The following PCDHGB2 variants were observed in gnomAD, a reference collection of about 807,000 sequenced individuals.
The protein encoded by PCDHGB2 is protocadherin gamma-B2.
PCDHGB2 carries 55 observed loss-of-function variants against 59.3 expected under a neutral mutation model. The ratio of observed to expected loss-of-function variants is 0.93; its 90% confidence interval spans 0.75 to 1.16. PCDHGB2 has a LOEUF of 1.16. Among genes scored for constraint, PCDHGB2 ranks in the 50% most tolerant of loss-of-function variants. The pLI is 0.00. For synonymous variants in PCDHGB2, 516 were observed against 512.0 expected (o/e 1.01, Z -0.11); for missense variants, 1,228 against 1,198.5 (o/e 1.02, Z -0.36).
At chr5:141,460,977 G>A in intron 1 of PCDHGB2, among the ~76,000 whole-genome samples, 1 of 131,518 alleles carries the variant, frequency 7.6e-6, no homozygotes, top group African/African-American at 3.4e-5. Context: ...GTGTGTGTGT[G>A]TGTGTGTATA....
rs547284271 is a variant in PCDHGB2 at position 141,489,064 on chromosome 5, C to G, written c.2422-5743C>G. On this transcript the variant is annotated intron_variant, in intron 1 of 3. Coordinates refer to ENST00000522605, the MANE Select transcript of PCDHGB2 (RefSeq NM_018923.3). This position sits in a 1 kb window ranked among gnomAD's most constrained non-coding sequence, Gnocchi z 4.5. ...TCCACTCAAATTCAGCTCCCCTCCC[C>G]CCTGCCCACCCCCGCCACTCGGTGA... 1.9e-4 allele frequency: 74 copies of G among 387,742 alleles called. No homozygotes were observed. The highest frequency in any genetic ancestry group is 1.5e-3 in the African/African-American group (70 of 47,296). The allele number at this position is 387,742 out of a possible 1,614,324, so 24.0% of individuals were successfully genotyped here. A position where few individuals can be genotyped will look rare whatever the true frequency, so the allele number is the denominator to read the frequency against.
In PCDHGB2 at chr5:141,476,737, G is replaced by A. The variant is rs1420138912; in HGVS notation, c.2422-18070G>A. ...AGCGCGCCCTGGACCGAGAACGGGA[G>A]CCTAGTCTCCAGTTAGTGCTGACGG... is the stretch of plus-strand genomic sequence containing the variant. On this transcript the variant is annotated intron_variant, in intron 1 of 3. Coordinates refer to ENST00000522605, the MANE Select transcript of PCDHGB2 (RefSeq NM_018923.3). This position sits in a 1 kb window ranked among gnomAD's most constrained non-coding sequence, Gnocchi z 7.6. The A allele has an allele frequency of 3.1e-6, 5 of 1,613,982 alleles. No individual in the cohort carries two copies. Among genetic ancestry groups the A allele is most frequent in the Non-Finnish European group, 4.2e-6 (5 of 1,180,038 alleles).
intron 1 of PCDHGB2, chr5:141,415,086 G>A (rs769093571): frequency 3.1e-6 from 5 of 1,613,554 alleles, no homozygotes; most frequent in South Asian, 1.1e-5. Flanking sequence ...GAGCCCTGCT[G>A]GACAGAGACG....
chr5:141,373,902 T>G (rs973881316), intron 1 of PCDHGB2: 8 of 577,832 alleles, frequency 1.4e-5, no homozygotes, highest in Admixed American at 3.7e-5. Context: ...AGTTACATCC[T>G]CCAACAACAA....
At chr5:141,409,519 C>T in intron 1 of PCDHGB2, 1 of 1,614,040 alleles carries the variant, frequency 6.2e-7, no homozygotes, top group Non-Finnish European at 8.5e-7. Context: ...GAAGCATCAC[C>T]TTGTATGTCG....
chr5:141,424,294 C>G (rs1260250688), intron 1 of PCDHGB2: 1 of 152,470 alleles, frequency 6.6e-6, no homozygotes, highest in Non-Finnish European at 1.5e-5. Context: ...ATTTCTTCAT[C>G]CTATCAACAC....
At position 141,491,583 on chromosome 5, in the gene PCDHGB2, C is replaced by T; in HGVS notation, c.2422-3224C>T. On this transcript the variant is annotated intron_variant, in intron 1 of 3. Transcript: ENST00000522605. The surrounding 1 kb of genome is among the most constrained non-coding windows in gnomAD (Gnocchi z 6.9). ...GCTACAGGACGTGCTTTTCACCGGC[C>T]TCGGACGGCAGTGACTTCACTTTTC... 1 of 1,613,964 alleles carries T rather than the reference C, an allele frequency of 6.2e-7. No individual in the cohort carries two copies. Among genetic ancestry groups the T allele is most frequent in the African/African-American group, 1.3e-5 (1 of 75,032 alleles).
intron 1 of PCDHGB2, chr5:141,388,295 C>A (rs766909730): frequency 8.1e-6 from 13 of 1,613,442 alleles, no homozygotes; most frequent in Non-Finnish European, 1.1e-5. Flanking sequence ...CGCAAAATTC[C>A]TTTGAGCTGC....
intron 1 of PCDHGB2, chr5:141,366,379 C>A (rs866007408): frequency 1.9e-6 from 3 of 1,614,134 alleles, no homozygotes; most frequent in African/African-American, 2.7e-5. Flanking sequence ...CCCCCATTGA[C>A]CCTGAGGATC....
rs995968509 is a variant in PCDHGB2, at chr5:141,477,065, C to T, written c.2422-17742C>T. ...TCGGCTGGACTTCGAGGACACCAAA[C>T]TCCATGAGATTTACATCCAGGCCAA... On this transcript the variant is annotated intron_variant, in intron 1 of 3. Coordinates refer to ENST00000522605, the MANE Select transcript of PCDHGB2 (RefSeq NM_018923.3). The surrounding 1 kb of genome is among the most constrained non-coding windows in gnomAD (Gnocchi z 4.9). 15 of 1,614,144 alleles carry T rather than the reference C, an allele frequency of 9.3e-6. No homozygotes were observed. The highest frequency in any genetic ancestry group is 3.3e-5 in the Admixed American group (2 of 60,018).
chr5:141,477,298 T>C lies in PCDHGB2; in HGVS notation c.2422-17509T>C. ...TGGTGACCTGCGAAGTTCCACCGGG[T>C]CTCCCTTTCAGCCTTACTTCTTCCC... On this transcript the variant is annotated intron_variant, in intron 1 of 3. Coordinates refer to ENST00000522605, the MANE Select transcript of PCDHGB2 (RefSeq NM_018923.3). This position sits in a 1 kb window ranked among gnomAD's most constrained non-coding sequence, Gnocchi z 4.9. 1 of 1,613,344 alleles carries C rather than the reference T, an allele frequency of 6.2e-7. No individual in the cohort carries two copies. Among genetic ancestry groups the C allele is most frequent in the Non-Finnish European group, 8.5e-7 (1 of 1,179,870 alleles).
rs774456704 is a variant in PCDHGB2, at chr5:141,390,013, C to T, written c.2421+27457C>T. On this transcript the variant is annotated intron_variant, in intron 1 of 3. Coordinates refer to ENST00000522605, the MANE Select transcript of PCDHGB2 (RefSeq NM_018923.3). ...CTCGTGGCCATGATTCTGGCCATTG[C>T]CTTGCGCCTGCGACGCTCCTCCAGC... 1.3e-4 allele frequency: 202 copies of T among 1,613,936 alleles called. No homozygotes were observed. The highest frequency in any genetic ancestry group is 1.6e-4 in the Non-Finnish European group (192 of 1,179,918).
At position 141,487,688 on chromosome 5, in the gene PCDHGB2, G is replaced by A. The variant is rs376927186; in HGVS notation, c.2422-7119G>A. On this transcript the variant is annotated intron_variant, in intron 1 of 3. Coordinates refer to ENST00000522605, the MANE Select transcript of PCDHGB2 (RefSeq NM_018923.3). The surrounding 1 kb of genome is among the most constrained non-coding windows in gnomAD (Gnocchi z 5.0). ...AGGCATATGGCTAGGCCATGTCCTA[G>A]AGAGTACTGGCCTCTCAGTAAGTGC... 6.2e-7 allele frequency: 1 copy of A among 1,604,966 alleles called. No homozygotes were observed.
chr5:141,361,748 G>T lies in PCDHGB2; in HGVS notation c.1613G>T (p.Gly538Val). Residue 538 changes from glycine to valine, a missense_variant, in exon 1 of 4, where the codon GGC becomes GTC. Coordinates refer to ENST00000522605, the MANE Select transcript of PCDHGB2 (RefSeq NM_018923.3). ...CTCACACTGCAGGCCCGCGACCAGG[G>T]CTCGCCCGCGCTCAGCGCCAACGTG... ...FELTLQARDQ[G>V]SPALSANVSL... The T allele has an allele frequency of 6.2e-7, 1 of 1,613,040 alleles. No individual in the cohort carries two copies. The highest frequency in any genetic ancestry group is 8.5e-7 in the Non-Finnish European group (1 of 1,179,708).
intron 1 of PCDHGB2, among the ~76,000 whole-genome samples, chr5:141,401,748 C>G (rs2094189969): frequency 6.6e-6 from 1 of 152,134 alleles, no homozygotes; most frequent in Non-Finnish European, 1.5e-5. Context: ...ATACAAAGCT[C>G]CCATTACATG....
At chr5:141,404,129 A>C in intron 1 of PCDHGB2, 2 of 1,613,162 alleles carry the variant, frequency 1.2e-6, no homozygotes, top group Non-Finnish European at 1.7e-6. Context: ...TCTATCTTTT[A>C]CATTAGAAAA....
chr5:141,476,055 GT>G lies in PCDHGB2; in HGVS notation c.2422-18749del. 6.7e-7 allele frequency: 1 copy of G among 1,503,516 alleles called. No homozygotes were observed. Among genetic ancestry groups the G allele is most frequent in the South Asian group, 1.3e-5 (1 of 75,386 alleles). The allele number at this position is 1,503,516 out of a possible 1,614,324, so 93.1% of individuals were successfully genotyped here. ...GCGCCCAAGCGCTAACCCGCTGAAA[GT>G]TTCTCAGCGAAATCTCAGGGACGAT... On this transcript the variant is annotated intron_variant, in intron 1 of 3. Transcript: ENST00000522605. The surrounding 1 kb of genome is among the most constrained non-coding windows in gnomAD (Gnocchi z 7.6).
intron 1 of PCDHGB2, chr5:141,399,734 C>T: frequency 6.2e-7 from 1 of 1,613,338 alleles, no homozygotes; most frequent in Non-Finnish European, 8.5e-7. Context: ...CAGGGCTCGC[C>T]TGCGCTCAGC....
intron 1 of PCDHGB2, chr5:141,374,380 C>T (rs1263045322): frequency 1.2e-6 from 2 of 1,613,894 alleles, no homozygotes; most frequent in Non-Finnish European, 1.7e-6. Context: ...GTGCTCAGAG[C>T]CCGCGGTGTC....
Sources: allele counts gnomAD v4.1 joint callset (sites outside exome capture counted in the v4.1 genomes callset), GRCh38; gene constraint gnomAD v4.1.1; non-coding constraint Gnocchi (gnomAD v3.1); transcripts MANE v1.5; gene names NCBI Gene and HGNC (gene_info 2026-07-23, HGNC 2026-07-21).